Variants in YEATS2 observed in about 807,000 individuals in gnomAD.
The protein encoded by YEATS2 is YEATS domain-containing protein 2.
Under a neutral mutation model 163.2 loss-of-function variants are expected in YEATS2, and 77 were observed. That is an observed-to-expected ratio of 0.47 (90% confidence interval 0.39 to 0.57). The LOEUF is 0.57. Ranked by LOEUF, YEATS2 falls within the 20% of genes least tolerant of loss-of-function variation. The pLI is 0.00. For synonymous variants in YEATS2, 631 were observed against 645.1 expected (o/e 0.98, Z 0.33); for missense variants, 1,549 against 1,729.8 (o/e 0.90, Z 1.85).
At position 183,790,864 on chromosome 3, in the gene YEATS2, A is replaced by C. The variant is rs774911160; in HGVS notation, c.2981A>C (p.Gln994Pro). ...SSVTKTSGQQ[Q>P]VCVSQATVGT... is the part of the protein sequence containing the mutation. ...GTAACGAAAACTTCTGGGCAGCAGC[A>C]AGTGTGTGTGAGCCAGGCCACCGTG... Residue 994 changes from glutamine (Q) to proline (P), a missense_variant, in exon 21 of 31, where the codon CAA becomes CCA. Transcript: ENST00000305135. 6.2e-7 allele frequency: 1 copy of C among 1,614,120 alleles called. No individual in the cohort carries two copies. The highest frequency in any genetic ancestry group is 1.7e-5 in the Admixed American group (1 of 60,010).
chr3:183,776,156 T>G, intron 18 of YEATS2, 33 bp downstream of exon 18: 1 of 1,518,796 alleles, frequency 6.6e-7, no homozygotes, highest in Non-Finnish European at 8.8e-7. Flanking sequence ...TTTTAAATCA[T>G]TTAGCTATTG....
intron 1 of YEATS2, among the ~76,000 whole-genome samples, chr3:183,709,623 C>CTGCATCT (rs1469786407): frequency 6.6e-6 from 1 of 151,510 alleles, no homozygotes; most frequent in East Asian, 1.9e-4. Context: ...GCCTGAGCCT[C>CTGCATCT]TGCATCTTGC....
intron 1 of YEATS2, among the ~76,000 whole-genome samples, chr3:183,704,652 CAG>C (rs1714437960): frequency 6.6e-6 from 1 of 150,612 alleles, no homozygotes; most frequent in Non-Finnish European, 1.5e-5. Flanking sequence ...TTTTTTGAGA[CAG>C]AGTCTCACTC....
intron 8 of YEATS2, among the ~76,000 whole-genome samples, chr3:183,742,456 G>T (rs959951519): frequency 2.0e-5 from 3 of 152,124 alleles, no homozygotes; most frequent in African/African-American, 4.8e-5. Flanking sequence ...AGACTTCAGC[G>T]GAGGAATTAG....
chr3:183,782,789 GT>G (rs1281291397), intron 19 of YEATS2, among the ~76,000 whole-genome samples: 1 of 152,066 alleles, frequency 6.6e-6, no homozygotes, highest in African/African-American at 2.4e-5. Flanking sequence ...TTATTTCCAG[GT>G]TTTTTTGTTT....
rs201492569 is a variant in YEATS2, at chr3:183,762,088, T to G, written c.1765-9T>G. 6.2e-7 allele frequency: 1 copy of G among 1,613,986 alleles called. No homozygotes were observed. Among genetic ancestry groups the G allele is most frequent in the Non-Finnish European group, 8.5e-7 (1 of 1,179,990 alleles). On this transcript the variant is annotated splice_polypyrimidine_tract_variant and intron_variant, in intron 14 of 30. Transcript: ENST00000305135. Reference sequence around the variant, plus strand: ...GATGTTTATTCAGTGTCATTATGTTTGTTGCAAGGTGATCATCAAACAGGA... The same window carrying G: ...GATGTTTATTCAGTGTCATTATGTTGGTTGCAAGGTGATCATCAAACAGGA...
chr3:183,800,388 A>C, intron 23 of YEATS2, 78 bp from the exon 24 acceptor site: 338 of 1,012,482 alleles, frequency 3.3e-4, no homozygotes, highest in Non-Finnish European at 4.2e-4. Context: ...CTTCACTGTA[A>C]GAGCTTTGTT....
At chr3:183,756,113 GT>G (rs1319146630) in intron 11 of YEATS2, among the ~76,000 whole-genome samples, 1 of 152,130 alleles carries the variant, frequency 6.6e-6, no homozygotes, top group Non-Finnish European at 1.5e-5. Context: ...TGCCTATGGT[GT>G]TAAAAGATTT....
At chr3:183,746,582 C>A (rs77212446) in intron 8 of YEATS2, among the ~76,000 whole-genome samples, 1 of 151,898 alleles carries the variant, frequency 6.6e-6, no homozygotes, top group Admixed American at 6.6e-5. Context: ...ATGAAAGATA[C>A]ACCCGTGCGG....
chr3:183,736,609 G>T (rs1358932404), intron 7 of YEATS2, 109 bp from the exon 8 acceptor site: 4 of 736,618 alleles, frequency 5.4e-6, no homozygotes, highest in South Asian at 2.7e-5. Flanking sequence ...AAATCTAAAT[G>T]ATTCTCAGAA....
rs376641919 is a variant in YEATS2, at chr3:183,810,514, C to T, written c.4200C>T (p.Ala1400=). The T allele has an allele frequency of 1.3e-5, 21 of 1,614,076 alleles. 1 individual carries two copies. The Middle Eastern group carries it at 4.9e-4, about 38-fold the overall frequency. The change falls in exon 31 of 31, where the codon GCC becomes GCT. Residue 1400 remains alanine (A), a synonymous_variant. Transcript: ENST00000305135. ...TTACAGTGAGTAATATTCACCAGGC[C>T]ATTTGCAACATTCCTTTTCTGGACT... ...KEITVSNIHQ[A]ICNIPFLDFL... is the part of the protein sequence containing the mutation.
chr3:183,741,805 G>A (rs1719001340), intron 8 of YEATS2, among the ~76,000 whole-genome samples: 1 of 151,976 alleles, frequency 6.6e-6, no homozygotes, highest in East Asian at 1.9e-4. Context: ...GAGCTTTGAT[G>A]GAGATGTATA....
intron 21 of YEATS2, chr3:183,793,135 C>T (rs201623177): frequency 1.9e-4 from 248 of 1,288,578 alleles, no homozygotes; most frequent in Admixed American, 1.4e-4. Flanking sequence ...AGCCAGCATA[C>T]GGCTGGCACT....
intron 11 of YEATS2, among the ~76,000 whole-genome samples, 182 bp from the exon 12 acceptor site, chr3:183,756,346 C>T (rs965560623): frequency 6.6e-6 from 1 of 152,178 alleles, no homozygotes; most frequent in African/African-American, 2.4e-5. Flanking sequence ...ATGAAACATA[C>T]ATCCTCTGCC....
rs750483031 is a variant in YEATS2 at position 183,801,449 on chromosome 3, T to A, written c.3429-6T>A. Reference sequence around the variant, plus strand: ...TATTGCCTTAATTTTTTTTTATCTCTCTCAGGATAGACCATTTAGAAACTA... The same window carrying A: ...TATTGCCTTAATTTTTTTTTATCTCACTCAGGATAGACCATTTAGAAACTA... On this transcript the variant is annotated splice_polypyrimidine_tract_variant and splice_region_variant and intron_variant, in intron 24 of 30. Transcript: ENST00000305135. The A allele has an allele frequency of 6.2e-7, 1 of 1,604,920 alleles. No individual in the cohort carries two copies. Among genetic ancestry groups the A allele is most frequent in the Non-Finnish European group, 8.5e-7 (1 of 1,175,496 alleles).
intron 8 of YEATS2, among the ~76,000 whole-genome samples, chr3:183,738,552 C>CA (rs1718608407): frequency 9.7e-6 from 1 of 103,408 alleles, no homozygotes; most frequent in Admixed American, 1.0e-4. Context: ...TCCCTCCCCC[C>CA]TCCCCCCACC....
At position 183,778,111 on chromosome 3, in the gene YEATS2, CAAAAAAAAAAAAA is replaced by C. The variant is rs569250141; in HGVS notation, c.2736+416_2736+428del. On this transcript the variant is annotated intron_variant, in intron 19 of 30. Transcript: ENST00000305135. ...TGGGCGACAGAGCAAGATTCTGTCT[CAAAAAAAAAAAAA>C]AAAAGAAAAAAAAAGAAAAAATGAA... is the stretch of plus-strand genomic sequence containing the variant. 8.9e-3 allele frequency among the ~76,000 whole-genome samples: 501 copies of C among 56,412 alleles called. 4 individuals carry two copies. Among genetic ancestry groups the C allele is most frequent in the African/African-American group, 0.031 (473 of 15,426 alleles). The allele number at this position is 56,412 out of a possible 152,430, so 37.0% of individuals were successfully genotyped here. A position where few individuals can be genotyped will look rare whatever the true frequency, so the allele number is the denominator to read the frequency against.
At chr3:183,802,861 C>T (rs1176057978) in intron 25 of YEATS2, 5 of 158,830 alleles carry the variant, frequency 3.1e-5, no homozygotes, top group Non-Finnish European at 6.9e-5. Flanking sequence ...ACCTGGGAGG[C>T]AGAGGTTGCA....
At chr3:183,756,499 GT>G in intron 11 of YEATS2, 28 bp from the exon 12 acceptor site, 1 of 1,521,584 alleles carries the variant, frequency 6.6e-7, no homozygotes, top group Non-Finnish European at 8.8e-7. Context: ...TGTGTATTTT[GT>G]TTGTATTCTC....
Sources: allele counts gnomAD v4.1 joint callset (sites outside exome capture counted in the v4.1 genomes callset), GRCh38; gene constraint gnomAD v4.1.1; transcripts MANE v1.5; gene names NCBI Gene and HGNC (gene_info 2026-07-23, HGNC 2026-07-21).